The following GALNT17 variants were observed in gnomAD, a reference collection of about 807,000 sequenced individuals.
The protein encoded by GALNT17 is UDP-GalNAc:polypeptide N-acetylgalactosaminyltransferase-like 3.
Under a neutral mutation model 63.7 loss-of-function variants are expected in GALNT17, and 29 were observed. That is an observed-to-expected ratio of 0.46 (90% CI 0.34 to 0.62). The LOEUF (loss-of-function observed/expected upper bound fraction) is 0.62, where lower values mean the gene tolerates loss of function less well. Among genes scored for constraint, GALNT17 ranks in the 20% least tolerant of loss-of-function variants. The pLI is 0.01. For synonymous variants in GALNT17, 305 were observed against 318.3 expected (o/e 0.96, Z 0.45); for missense variants, 603 against 799.6 (o/e 0.75, Z 2.97).
intron 1 of GALNT17, among the ~76,000 whole-genome samples, chr7:71,163,933 T>C (rs989687937): frequency 2.0e-5 from 3 of 152,208 alleles, no homozygotes; most frequent in Non-Finnish European, 4.4e-5. Flanking sequence ...AGTAGCTGTT[T>C]TACAAGAATC....
At chr7:71,571,148 CTAGGCTGGAACCCAGTACA>C (rs1789435191) in intron 5 of GALNT17, 118 bp from the exon 6 acceptor site, 2 of 650,386 alleles carry the variant, frequency 3.1e-6, no homozygotes, top group Admixed American at 4.6e-5. Flanking sequence ...CCAGTACATG[CTAGGCTGGAACCCAGTACA>C]TGCTAGGCTG....
chr7:71,269,436 C>T (rs1233855785), intron 1 of GALNT17, among the ~76,000 whole-genome samples: 1 of 152,178 alleles, frequency 6.6e-6, no homozygotes, highest in Non-Finnish European at 1.5e-5. Context: ...CACTGTACTT[C>T]AGGTTGGGCA....
chr7:71,425,546 T>C (rs180700193), intron 5 of GALNT17, among the ~76,000 whole-genome samples: 1 of 152,174 alleles, frequency 6.6e-6, no homozygotes, highest in Non-Finnish European at 1.5e-5. Flanking sequence ...AAGCCATAAA[T>C]CTAGAGCCTT....
intron 5 of GALNT17, among the ~76,000 whole-genome samples, chr7:71,543,700 GTT>G (rs71089956): frequency 0.39 from 58,234 of 149,002 alleles, 12,052 homozygotes; most frequent in African/African-American, 0.54. Context: ...GTTTCAGCAG[GTT>G]TTTTTTTTTT....
chr7:71,260,890 C>T (rs1283462967), intron 1 of GALNT17, among the ~76,000 whole-genome samples: 1 of 152,192 alleles, frequency 6.6e-6, no homozygotes, highest in African/African-American at 2.4e-5. Flanking sequence ...AGGCATGAGC[C>T]TCTGTGCCCA....
In GALNT17 at chr7:71,428,809, C is replaced by T. The variant is rs1786808410; in HGVS notation, c.962+7704C>T. ...CCATATCTGGTTTCTGGGATTTGCA[C>T]ACCTTTGTCCCTCTTGGGTGGAAAG... is the stretch of plus-strand genomic sequence containing the variant. On this transcript the variant is annotated intron_variant, in intron 5 of 10. Coordinates refer to ENST00000333538, the MANE Select transcript of GALNT17 (RefSeq NM_022479.3). Among the ~76,000 whole-genome samples, 3 of 152,190 alleles carry T rather than the reference C, an allele frequency of 2.0e-5. No homozygotes were observed. The South Asian group carries it at 6.2e-4, about 31-fold the overall frequency.
chr7:71,616,450 T>G (rs1790204440), intron 6 of GALNT17, among the ~76,000 whole-genome samples: 1 of 147,978 alleles, frequency 6.8e-6, no homozygotes, highest in South Asian at 2.1e-4. Context: ...TTTTATTATT[T>G]ATTTAGTAAA....
intron 6 of GALNT17, among the ~76,000 whole-genome samples, chr7:71,572,879 A>G (rs1340785786): frequency 5.3e-5 from 8 of 152,166 alleles, no homozygotes; most frequent in Non-Finnish European, 1.5e-5. Flanking sequence ...TCCCTAAAGC[A>G]AGGAGGGGAC....
At chr7:71,642,833 T>C (rs1261575612) in intron 6 of GALNT17, among the ~76,000 whole-genome samples, 1 of 141,634 alleles carries the variant, frequency 7.1e-6, no homozygotes, top group African/African-American at 2.6e-5. Flanking sequence ...AGACTCTGTC[T>C]CAAAAAAAAA....
At chr7:71,381,759 A>G (rs551851908) in intron 2 of GALNT17, among the ~76,000 whole-genome samples, 74 of 152,312 alleles carry the variant, frequency 4.9e-4, no homozygotes, top group African/African-American at 1.7e-3. Flanking sequence ...AGCCTGGGCT[A>G]CAGAGCAAGA....
chr7:71,698,138 A>G (rs944520877), intron 9 of GALNT17, among the ~76,000 whole-genome samples: 3 of 149,934 alleles, frequency 2.0e-5, no homozygotes, highest in South Asian at 2.1e-4. Flanking sequence ...AAAAAAAAAA[A>G]AAAGAAAAGA....
At chr7:71,260,178 T>C (rs959478980) in intron 1 of GALNT17, among the ~76,000 whole-genome samples, 1 of 152,170 alleles carries the variant, frequency 6.6e-6, no homozygotes. Flanking sequence ...ATGGGCTGTC[T>C]AGAAAGAGTA....
intron 6 of GALNT17, among the ~76,000 whole-genome samples, chr7:71,585,306 T>A (rs1343421756): frequency 1.3e-5 from 2 of 152,182 alleles, no homozygotes; most frequent in Non-Finnish European, 2.9e-5. Context: ...AAGCTCCCCA[T>A]CAATCTTTCA....
chr7:71,520,090 A>C (rs1788505880), intron 5 of GALNT17, among the ~76,000 whole-genome samples: 1 of 152,188 alleles, frequency 6.6e-6, no homozygotes, highest in Admixed American at 6.5e-5. Flanking sequence ...CAGTCTATGA[A>C]GGAGACCTCC....
intron 6 of GALNT17, among the ~76,000 whole-genome samples, chr7:71,652,895 G>C (rs1790773724): frequency 6.6e-6 from 1 of 152,250 alleles, no homozygotes; most frequent in Non-Finnish European, 1.5e-5. Context: ...TGCAATTGCA[G>C]CGAGAGAAAG....
At chr7:71,515,210 G>A (rs1788426276) in intron 5 of GALNT17, among the ~76,000 whole-genome samples, 1 of 152,140 alleles carries the variant, frequency 6.6e-6, no homozygotes, top group Non-Finnish European at 1.5e-5. Flanking sequence ...GGTTCACAAA[G>A]GATACAAAGA....
At chr7:71,277,904 C>T (rs1790710966) in intron 1 of GALNT17, among the ~76,000 whole-genome samples, 1 of 152,232 alleles carries the variant, frequency 6.6e-6, no homozygotes, top group African/African-American at 2.4e-5. Context: ...GGGAAGAAAA[C>T]TTCAAATCCA....
chr7:71,612,736 T>C (rs149345709), intron 6 of GALNT17, among the ~76,000 whole-genome samples: 8 of 152,366 alleles, frequency 5.3e-5, no homozygotes, highest in African/African-American at 1.7e-4. Context: ...GTCATGTTGA[T>C]GGAAAACACT....
intron 9 of GALNT17, among the ~76,000 whole-genome samples, chr7:71,698,844 C>T (rs1791583133): frequency 6.6e-6 from 1 of 152,012 alleles, no homozygotes; most frequent in African/African-American, 2.4e-5. Context: ...TTTAAAACTC[C>T]AGCTGTATTC....
Sources: gnomAD v4.1 joint callset for allele counts (sites outside exome capture counted in the v4.1 genomes callset) on GRCh38, gnomAD v4.1.1 for gene constraint, MANE v1.5 for transcripts, NCBI Gene and HGNC (gene_info 2026-07-23, HGNC 2026-07-21) for gene names.